The following SDK1 variants were observed in gnomAD, a reference collection of about 807,000 sequenced individuals.
SDK1 encodes the protein sidekick cell adhesion molecule 1.
A neutral mutation model predicts 245.5 loss-of-function variants in SDK1; 157 were observed. The observed-to-expected ratio is 0.64, with a 90% CI of 0.56 to 0.73. The LOEUF (loss-of-function observed/expected upper bound fraction) is 0.73. Among genes scored for constraint, SDK1 ranks in the 30% least tolerant of loss-of-function variants. SDK1 has a pLI of 0.00. For synonymous variants in SDK1, 1,647 were observed against 1,278.5 expected (o/e 1.29, Z -6.15); for missense variants, 3,583 against 3,002.3 (o/e 1.19, Z -4.52).
chr7:3,763,822 T>A (rs997803213), intron 4 of SDK1, among the ~76,000 whole-genome samples: 2 of 152,174 alleles, frequency 1.3e-5, no homozygotes, highest in African/African-American at 4.8e-5. Flanking sequence ...TAGAATAGTA[T>A]TTACTGATAA....
At chr7:4,222,790 G>T (rs771574491) in intron 40 of SDK1, among the ~76,000 whole-genome samples, 1 of 152,150 alleles carries the variant, frequency 6.6e-6, no homozygotes, top group African/African-American at 2.4e-5. Context: ...TGTGAGTTTG[G>T]CAGGGGCCTC....
chr7:3,717,173 TAATTGACCGAAATAG>T (rs1383615560), intron 4 of SDK1, among the ~76,000 whole-genome samples: 1 of 152,210 alleles, frequency 6.6e-6, no homozygotes, highest in Non-Finnish European at 1.5e-5. Context: ...TTAGAGGAAC[TAATTGACCGAAATAG>T]ACCATATCCT....
chr7:3,619,304 T>G, intron 2 of SDK1, 65 bp downstream of exon 2: 1 of 1,381,366 alleles, frequency 7.2e-7, no homozygotes, highest in Admixed American at 1.8e-5. Flanking sequence ...CTTGCCTTAC[T>G]GGTCATAATA....
intron 1 of SDK1, among the ~76,000 whole-genome samples, chr7:3,415,837 C>T (rs1183693067): frequency 6.6e-6 from 1 of 152,004 alleles, no homozygotes; most frequent in African/African-American, 2.4e-5. Flanking sequence ...AGTGTGAACA[C>T]ATATTTTTGA....
chr7:3,789,243 G>A lies in SDK1; in HGVS notation c.714-32207G>A, dbSNP rs183733690. ...GCTCACCGCAACCTCCACCTCCCAG[G>A]TTCAAGCGATTCTCCTGCCTCAGCC... On this transcript the variant is annotated intron_variant, in intron 4 of 44. Coordinates refer to ENST00000404826, the MANE Select transcript of SDK1 (RefSeq NM_152744.4). Among the ~76,000 whole-genome samples, 419 of 152,230 alleles carry A rather than the reference G, an allele frequency of 2.8e-3. 3 individuals are homozygous for A. The highest frequency in any genetic ancestry group is 9.6e-3 in the African/African-American group (400 of 41,548).
At chr7:4,227,251 T>C (rs1785498283) in intron 40 of SDK1, 7 of 399,630 alleles carry the variant, frequency 1.8e-5, no homozygotes, top group South Asian at 1.4e-4. Flanking sequence ...GGTCCCCTCA[T>C]GTGCTGCTTG....
intron 4 of SDK1, among the ~76,000 whole-genome samples, chr7:3,763,747 T>G (rs1300420924): frequency 6.6e-6 from 1 of 152,220 alleles, no homozygotes; most frequent in African/African-American, 2.4e-5. Context: ...ATATTTTATA[T>G]CTCTATCTAG....
rs550424807 is a variant in SDK1, at chr7:3,823,908, G to A, written c.847+2325G>A. Reference sequence around the variant, plus strand: ...CTTCCTGGTGACATACGGGATTTACGTAAATGTTAAATGGCAACCAATTAT... The same window carrying A: ...CTTCCTGGTGACATACGGGATTTACATAAATGTTAAATGGCAACCAATTAT... On this transcript the variant is annotated intron_variant, in intron 5 of 44. Transcript: ENST00000404826. Among the ~76,000 whole-genome samples the A allele has an allele frequency of 4.0e-5, 6 of 151,328 alleles. No homozygotes were observed. In the East Asian group the frequency reaches 9.7e-4, roughly 24 times the overall value.
intron 20 of SDK1, among the ~76,000 whole-genome samples, chr7:4,071,012 G>A (rs1228565632): frequency 6.6e-6 from 1 of 151,444 alleles, no homozygotes; most frequent in Non-Finnish European, 1.5e-5. Flanking sequence ...TGGACTTTGT[G>A]GGGTTTTTAA....
At chr7:3,803,091 A>G (rs1009923296) in intron 4 of SDK1, among the ~76,000 whole-genome samples, 20 of 152,338 alleles carry the variant, frequency 1.3e-4, no homozygotes, top group Middle Eastern at 3.4e-3. Context: ...TCTCAGCAAC[A>G]TATGAGAGCT....
At chr7:4,056,723 C>G (rs541627977) in intron 19 of SDK1, among the ~76,000 whole-genome samples, 1 of 152,134 alleles carries the variant, frequency 6.6e-6, no homozygotes, top group Non-Finnish European at 1.5e-5. Context: ...AGGGAGCCCA[C>G]GCTGCACCCC....
intron 1 of SDK1, among the ~76,000 whole-genome samples, chr7:3,584,521 A>G (rs566257976): frequency 1.6e-4 from 24 of 152,238 alleles, no homozygotes; most frequent in Admixed American, 1.4e-3. Context: ...CCGCTCCTTG[A>G]GAGTTGAACC....
At chr7:3,807,551 G>A (rs971295313) in intron 4 of SDK1, among the ~76,000 whole-genome samples, 1 of 152,130 alleles carries the variant, frequency 6.6e-6, no homozygotes, top group African/African-American at 2.4e-5. Flanking sequence ...ATAGAAAGGG[G>A]GAGACAGAGA....
At chr7:3,597,485 C>G (rs930782448) in intron 1 of SDK1, among the ~76,000 whole-genome samples, 12 of 152,222 alleles carry the variant, frequency 7.9e-5, no homozygotes, top group African/African-American at 2.9e-4. Context: ...AGAACACCGG[C>G]GGCGGGGAGG....
chr7:3,967,916 T>C (rs1035706045), intron 10 of SDK1, among the ~76,000 whole-genome samples: 28 of 152,302 alleles, frequency 1.8e-4, no homozygotes, highest in African/African-American at 6.5e-4. Context: ...CAAGATACCA[T>C]GGGCACAAGG....
At chr7:3,513,234 C>A (rs1782638886) in intron 1 of SDK1, among the ~76,000 whole-genome samples, 1 of 152,102 alleles carries the variant, frequency 6.6e-6, no homozygotes, top group South Asian at 2.1e-4. Context: ...TAGGACAGTT[C>A]TTGTTTTATG....
chr7:4,189,887 A>G (rs1035989145), intron 35 of SDK1, among the ~76,000 whole-genome samples: 25 of 152,330 alleles, frequency 1.6e-4, no homozygotes, highest in Middle Eastern at 3.4e-3. Context: ...TGTCTTGAAA[A>G]TATCTGTTTG....
intron 44 of SDK1, among the ~76,000 whole-genome samples, chr7:4,253,832 T>C (rs1002004454): frequency 5.3e-5 from 8 of 152,244 alleles, no homozygotes; most frequent in African/African-American, 1.9e-4. Context: ...TATATCTTCT[T>C]GATATATTTA....
intron 1 of SDK1, among the ~76,000 whole-genome samples, chr7:3,454,390 G>C (rs1180468674): frequency 7.3e-6 from 1 of 136,740 alleles, no homozygotes; most frequent in Non-Finnish European, 1.6e-5. Context: ...CCCAAGATTT[G>C]TGTGTGTGTG....
Sources: allele counts gnomAD v4.1 joint callset (sites outside exome capture counted in the v4.1 genomes callset), GRCh38; gene constraint gnomAD v4.1.1; transcripts MANE v1.5; gene names NCBI Gene and HGNC (gene_info 2026-07-23, HGNC 2026-07-21).